The following MPDZ variants were observed in gnomAD, a reference collection of about 807,000 sequenced individuals.
MPDZ encodes the protein multiple PDZ domain crumbs cell polarity complex component.
In MPDZ, 234 loss-of-function variants were observed where a neutral mutation model predicts 239.1. The observed-to-expected ratio is 0.98, with a 90% CI of 0.88 to 1.09. The LOEUF is 1.09. MPDZ is among the 50% of genes least tolerant of loss of function. The probability of loss-of-function intolerance (pLI) is 0.00; values close to 1 mark genes in which losing one functional copy is unlikely to be tolerated. For synonymous variants in MPDZ, 1,048 were observed against 881.3 expected, an observed-to-expected ratio of 1.19 and a Z score of -3.35; for missense variants, 3,175 against 2,510.0, an observed-to-expected ratio of 1.26 and a Z score of -5.66.
intron 8 of MPDZ, among the ~76,000 whole-genome samples, chr9:13,218,387 A>T (rs1224238226): frequency 6.6e-6 from 1 of 151,886 alleles, no homozygotes; most frequent in Non-Finnish European, 1.5e-5. Flanking sequence ...AGCTTCAGAA[A>T]TGATGATATG....
intron 22 of MPDZ, chr9:13,165,513 T>C (rs908419146): frequency 2.9e-6 from 4 of 1,387,390 alleles, no homozygotes; most frequent in Admixed American, 4.6e-5. Flanking sequence ...TAAAAGTGGG[T>C]GCTCCTGGTT....
chr9:13,242,310 C>G (rs1195037014), intron 3 of MPDZ, among the ~76,000 whole-genome samples: 3 of 147,538 alleles, frequency 2.0e-5, no homozygotes, highest in African/African-American at 7.6e-5. Flanking sequence ...ACCACAACCT[C>G]CACTTCCTGG....
intron 12 of MPDZ, among the ~76,000 whole-genome samples, chr9:13,196,475 T>C (rs1041888624): frequency 3.9e-5 from 6 of 152,190 alleles, no homozygotes; most frequent in Non-Finnish European, 2.9e-5. Context: ...AAAGTGCCCA[T>C]GTATTATCTA....
chr9:13,259,958 T>A (rs1341088169), intron 1 of MPDZ, among the ~76,000 whole-genome samples: 1 of 151,896 alleles, frequency 6.6e-6, no homozygotes. Context: ...CTCAGCCTCC[T>A]GAGTAGCTGA....
intron 12 of MPDZ, among the ~76,000 whole-genome samples, chr9:13,201,399 T>A (rs538611177): frequency 6.6e-6 from 1 of 152,136 alleles, no homozygotes; most frequent in East Asian, 1.9e-4. Context: ...GCCTTGGGGA[T>A]TTCCTCTTTG....
intron 39 of MPDZ, among the ~76,000 whole-genome samples, chr9:13,118,553 T>C (rs1243141786): frequency 6.6e-6 from 1 of 152,190 alleles, no homozygotes; most frequent in South Asian, 2.1e-4. Flanking sequence ...ACCCTTGACA[T>C]GGGTACTGAT....
At position 13,115,283 on chromosome 9, in the gene MPDZ, A is replaced by G. The variant is rs1480064357; in HGVS notation, c.5431T>C (p.Phe1811Leu). 1.2e-6 allele frequency: 2 copies of G among 1,612,678 alleles called. No homozygotes were observed. Among genetic ancestry groups the G allele is most frequent in the East Asian group, 4.5e-5 (2 of 44,848 alleles). Residue 1811 changes from phenylalanine (F) to leucine (L), a missense_variant, in exon 40 of 47, where the codon TTC becomes CTC. Physicochemically the swap from Phe to Leu is conservative, Grantham distance 22. Transcript: ENST00000319217. Reference protein sequence around the residue: ...LEVGRIKAGPFHSERRPSQSS... With the variant: ...LEVGRIKAGPLHSERRPSQSS... ...TGAGATGGCCTCCTCTCTGAATGGA[A>G]TGGACCAGCTTTGATTCTTCCAACT... is the stretch of plus-strand genomic sequence containing the variant.
intron 42 of MPDZ, among the ~76,000 whole-genome samples, 190 bp from the exon 43 acceptor site, chr9:13,112,336 G>A (rs898282911): frequency 1.3e-5 from 2 of 152,180 alleles, no homozygotes; most frequent in Non-Finnish European, 2.9e-5. Context: ...ATAAGCATCT[G>A]TTCAGGAAGT....
chr9:13,131,314 A>G (rs925638097), intron 32 of MPDZ, among the ~76,000 whole-genome samples: 4 of 152,190 alleles, frequency 2.6e-5, no homozygotes, highest in Non-Finnish European at 5.9e-5. Context: ...TCACAAATTC[A>G]TGGTTAGAAG....
At chr9:13,228,670 A>G (rs1961414775) in intron 3 of MPDZ, among the ~76,000 whole-genome samples, 1 of 152,146 alleles carries the variant, frequency 6.6e-6, no homozygotes, top group Non-Finnish European at 1.5e-5. Flanking sequence ...CGGGATCCTC[A>G]GCCTGTAACA....
At chr9:13,177,397 T>C (rs112828159) in intron 19 of MPDZ, among the ~76,000 whole-genome samples, 3,070 of 152,262 alleles carry the variant, frequency 0.02, 103 homozygotes, top group African/African-American at 0.071. Context: ...TAAAAATGGC[T>C]AGCATCAGTT....
rs1247621434 is a variant in MPDZ, at chr9:13,140,014, T to G, written c.3976A>C (p.Lys1326Gln). The part of the protein sequence containing the change: ...SASKISQDVD[K>Q]EDEFGYSWKN... ...CAGCTGTAACCAAACTCATCCTCTT[T>G]GTCCACATCTTGTGAGATTTTGCTT... The change falls in exon 28 of 47, where the codon AAA (lysine) becomes CAA (glutamine). Residue 1326 changes from lysine (K) to glutamine (Q), a missense_variant. Transcript: ENST00000319217. The G allele has an allele frequency of 6.2e-7, 1 of 1,613,468 alleles. No individual in the cohort carries two copies. The highest frequency in any genetic ancestry group is 1.7e-5 in the Admixed American group (1 of 59,978).
intron 27 of MPDZ, 102 bp downstream of exon 27, chr9:13,143,364 C>T (rs1001413620): frequency 1.7e-5 from 15 of 896,468 alleles, no homozygotes; most frequent in Non-Finnish European, 2.3e-5. Flanking sequence ...TTTTCCCTGC[C>T]CAAATGTAGC....
chr9:13,254,704 TTACACTACACTGTA>T (rs1968994815), intron 1 of MPDZ, among the ~76,000 whole-genome samples: 1 of 152,202 alleles, frequency 6.6e-6, no homozygotes, highest in Non-Finnish European at 1.5e-5. Context: ...AAAGTCATGT[TTACACTACACTGTA>T]GTCTATTAAA....
At chr9:13,152,171 T>C (rs1949260915) in intron 24 of MPDZ, among the ~76,000 whole-genome samples, 1 of 152,082 alleles carries the variant, frequency 6.6e-6, no homozygotes, top group South Asian at 2.1e-4. Context: ...CCCACCTCTG[T>C]AGAAGGAGAA....
chr9:13,113,829 G>T, intron 41 of MPDZ, 102 bp downstream of exon 41: 1 of 872,150 alleles, frequency 1.1e-6, no homozygotes, highest in South Asian at 1.5e-5. Flanking sequence ...ATTTGGATAT[G>T]GGATGATTTG....
intron 1 of MPDZ, among the ~76,000 whole-genome samples, chr9:13,269,799 T>G (rs1184423406): frequency 6.6e-6 from 1 of 152,164 alleles, no homozygotes; most frequent in Non-Finnish European, 1.5e-5. Context: ...CTAAGAAAAT[T>G]CAGCAAGAAA....
At chr9:13,155,743 T>C (rs1949739349) in intron 24 of MPDZ, among the ~76,000 whole-genome samples, 1 of 152,240 alleles carries the variant, frequency 6.6e-6, no homozygotes. Flanking sequence ...TTCAATGCTA[T>C]GAACCATGTT....
At chr9:13,270,960 C>T (rs866303269) in intron 1 of MPDZ, among the ~76,000 whole-genome samples, 1 of 152,040 alleles carries the variant, frequency 6.6e-6, no homozygotes, top group South Asian at 2.1e-4. Context: ...AGAAAACATG[C>T]AAGTGGGTGA....
Sources: gnomAD v4.1 joint callset for allele counts (sites outside exome capture counted in the v4.1 genomes callset) on GRCh38, gnomAD v4.1.1 for gene constraint, MANE v1.5 for transcripts, NCBI Gene and HGNC (gene_info 2026-07-23, HGNC 2026-07-21) for gene names.